CCDC157: variants seen among roughly 807,000 people sequenced by gnomAD.
The protein encoded by CCDC157 is coiled-coil domain-containing protein 157.
A neutral mutation model predicts 70.9 loss-of-function variants in CCDC157; 60 were observed. The observed-to-expected ratio is 0.85, with a 90% CI of 0.69 to 1.05. The LOEUF (loss-of-function observed/expected upper bound fraction) is 1.05, where lower values mean the gene tolerates loss of function less well. Among genes scored for constraint, CCDC157 ranks in the 50% least tolerant of loss-of-function variants. CCDC157 has a pLI of 0.00. For missense variants in CCDC157, 943 were observed against 984.2 expected, an observed-to-expected ratio of 0.96 and a Z score of 0.56; for synonymous variants, 373 against 422.4, an observed-to-expected ratio of 0.88 and a Z score of 1.43.
chr22:30,356,738 G>T, upstream of CCDC157: 3 of 1,494,546 alleles, frequency 2.0e-6, no homozygotes, highest in Non-Finnish European at 1.8e-6. Context: ...ACCTGTTTGG[G>T]CTCCGTGGGC....
rs1320981090 is a variant in CCDC157, at chr22:30,373,577, G to A, written c.1336-20G>A. On this transcript the variant is annotated intron_variant, in intron 7 of 11. Transcript: ENST00000338306. ...GCCCTGTGGGTCTCACAGCCTCCCT[G>A]CTTGTCCGTTCCTGCTTAGTCTCTG... The A allele has an allele frequency of 6.4e-7, 1 of 1,551,686 alleles. No homozygotes were observed. Among genetic ancestry groups the A allele is most frequent in the Non-Finnish European group, 8.7e-7 (1 of 1,147,162 alleles).
At chr22:30,375,421 A>C (rs958011993) in intron 9 of CCDC157, 58 bp from the exon 10 acceptor site, 38 of 1,576,288 alleles carry the variant, frequency 2.4e-5, no homozygotes, top group Non-Finnish European at 3.0e-5. Flanking sequence ...TTGTGCCTCC[A>C]GGCCACCTGC....
upstream of CCDC157, chr22:30,356,666 T>C (rs1378051912): frequency 7.9e-7 from 1 of 1,269,990 alleles, no homozygotes; most frequent in Non-Finnish European, 1.1e-6. Flanking sequence ...CGCTTATTCC[T>C]GTGCGAGTAA....
upstream of CCDC157, chr22:30,356,858 T>TCC (rs1422046450): frequency 9.6e-6 from 12 of 1,243,850 alleles, no homozygotes; most frequent in Admixed American, 5.0e-4. Context: ...CAAGACAGCC[T>TCC]CCCCGCTCGG....
intron 7 of CCDC157, 89 bp from the exon 8 acceptor site, chr22:30,373,508 G>A (rs1933094790): frequency 1.4e-6 from 2 of 1,405,752 alleles, no homozygotes; most frequent in African/African-American, 2.8e-5. Flanking sequence ...CAGCCGAGGG[G>A]TAGTAGATGC....
chr22:30,376,015 C>A, intron 10 of CCDC157: 1 of 547,510 alleles, frequency 1.8e-6, no homozygotes, highest in Non-Finnish European at 3.2e-6. Flanking sequence ...TAATGGGACC[C>A]CGTTTCTACA....
intron 3 of CCDC157, 106 bp from the exon 4 acceptor site, chr22:30,369,326 C>G: frequency 9.6e-7 from 1 of 1,041,236 alleles, no homozygotes; most frequent in East Asian, 2.9e-5. Flanking sequence ...ACTCTCCAAG[C>G]TCTTGATGCC....
intron 5 of CCDC157, chr22:30,371,438 G>A: frequency 1.7e-6 from 1 of 585,448 alleles, no homozygotes. Context: ...CCAAGGCCCA[G>A]AGAGGTGTAG....
At chr22:30,374,499 T>C (rs1374655056) in intron 9 of CCDC157, 1 of 465,072 alleles carries the variant, frequency 2.2e-6, no homozygotes, top group Admixed American at 2.3e-5. Context: ...AGCTGCCCAC[T>C]GTCCTGGACC....
At chr22:30,363,067 A>G (rs1434181431) in intron 2 of CCDC157, among the ~76,000 whole-genome samples, 1 of 152,120 alleles carries the variant, frequency 6.6e-6, no homozygotes, top group African/African-American at 2.4e-5. Context: ...GGTGGGGAGG[A>G]GCTGGAACTC....
chr22:30,361,087 A>G (rs1932308289), intron 1 of CCDC157, among the ~76,000 whole-genome samples: 1 of 151,620 alleles, frequency 6.6e-6, no homozygotes, highest in African/African-American at 2.4e-5. Flanking sequence ...AAAAATAATA[A>G]AAATACAAAA....
chr22:30,377,980 G>A lies in CCDC157; in HGVS notation c.*1235G>A, dbSNP rs867312108. Reference sequence around the variant, plus strand: ...CTACCAGGTTGCGTTCCTTTCTGCCGGTTCTGGGGAAGAATTGGCTTCCAA... The same window carrying A: ...CTACCAGGTTGCGTTCCTTTCTGCCAGTTCTGGGGAAGAATTGGCTTCCAA... On this transcript the variant is annotated 3_prime_UTR_variant, in exon 12 of 12. Transcript: ENST00000338306. 4.9e-5 allele frequency: 19 copies of A among 385,612 alleles called. No homozygotes were observed. Among genetic ancestry groups the A allele is most frequent in the East Asian group, 7.5e-5 (1 of 13,366 alleles). The allele number at this position is 385,612 out of a possible 1,614,324, so 23.9% of individuals were successfully genotyped here. A position where few individuals can be genotyped will look rare whatever the true frequency, so the allele number is the denominator to read the frequency against.
intron 9 of CCDC157, 55 bp from the exon 10 acceptor site, chr22:30,375,424 C>A: frequency 6.3e-7 from 1 of 1,581,672 alleles, no homozygotes; most frequent in Non-Finnish European, 8.7e-7. Flanking sequence ...TGCCTCCAGG[C>A]CACCTGCCCA....
Position 30,357,146 on chromosome 22 carries a change from C to T in CCDC157, c.-166+14C>T, listed in dbSNP as rs937139102. ...CGCCGAAGACAGGTGAGATGTTGTA[C>T]GTCACCCGCCGGACCCCCGCCGCAC... On this transcript the variant is annotated intron_variant, in intron 1 of 11. Transcript: ENST00000338306. 2 of 218,320 alleles carry T rather than the reference C, an allele frequency of 9.2e-6. No homozygotes were observed. The highest frequency in any genetic ancestry group is 3.4e-4 in the South Asian group (2 of 5,860). 13.5% of individuals were successfully genotyped at this position (218,320 alleles called of 1,614,324 possible).
intron 1 of CCDC157, among the ~76,000 whole-genome samples, chr22:30,359,160 G>A (rs1053016633): frequency 1.3e-5 from 2 of 152,214 alleles, no homozygotes; most frequent in Non-Finnish European, 1.5e-5. Context: ...TTTCTCCCAG[G>A]TTGGGGGCTT....
At position 30,375,608 on chromosome 22, in the gene CCDC157, G is replaced by A. The variant is rs755815329; in HGVS notation, c.1802G>A (p.Arg601Gln). 33 of 1,614,034 alleles carry A rather than the reference G, an allele frequency of 2.0e-5. No homozygotes were observed. The highest frequency in any genetic ancestry group is 1.6e-4 in the Middle Eastern group (1 of 6,082). The change falls in exon 10 of 12, where the codon CGG (arginine) becomes CAG (glutamine). Residue 601 changes from arginine (R) to glutamine (Q), a missense_variant. Transcript: ENST00000338306. ...CGGGTCCTACAGGAGGAGAACGGGCGGCTCCAATCAATGCTGTCCAAAATC... is the reference window on the plus strand; with the variant it reads ...CGGGTCCTACAGGAGGAGAACGGGCAGCTCCAATCAATGCTGTCCAAAATC... ...RIRVLQEENG[R>Q]LQSMLSKIRE...
chr22:30,369,938 C>A, intron 4 of CCDC157: 1 of 461,114 alleles, frequency 2.2e-6, no homozygotes, highest in Non-Finnish European at 3.9e-6. Context: ...CAACCACCCA[C>A]TGGGGAAGAA....
chr22:30,370,147 T>G, intron 4 of CCDC157, 179 bp from the exon 5 acceptor site: 1 of 746,906 alleles, frequency 1.3e-6, no homozygotes, highest in South Asian at 1.7e-5. Context: ...TGTAGTAAGC[T>G]GAGTCAGAGT....
In CCDC157 at chr22:30,378,327, G is replaced by T. The variant is rs1933457267; in HGVS notation, c.*1582G>T. On this transcript the variant is annotated 3_prime_UTR_variant, in exon 12 of 12. Coordinates refer to ENST00000338306, the MANE Select transcript of CCDC157 (RefSeq NM_001017437.5). ...TGCTATAAGACAGAACCCAACCATGGGCATAAAATCCCTTTGAGAAGCCAG... is the reference window on the plus strand; with the variant it reads ...TGCTATAAGACAGAACCCAACCATGTGCATAAAATCCCTTTGAGAAGCCAG... 1 of 313,934 alleles carries T rather than the reference G, an allele frequency of 3.2e-6. No individual in the cohort carries two copies. Among genetic ancestry groups the T allele is most frequent in the Non-Finnish European group, 6.6e-6 (1 of 152,000 alleles). 19.4% of individuals were successfully genotyped at this position (313,934 alleles called of 1,614,324 possible).
Sources: gnomAD v4.1 joint callset for allele counts (sites outside exome capture counted in the v4.1 genomes callset) on GRCh38, gnomAD v4.1.1 for gene constraint, MANE v1.5 for transcripts, NCBI Gene and HGNC (gene_info 2026-07-23, HGNC 2026-07-21) for gene names.